SLC24A2: variants seen among roughly 807,000 people sequenced by gnomAD.
The protein encoded by SLC24A2 is solute carrier family 24 member 2, also known as sodium/potassium/calcium exchanger 2.
SLC24A2 carries 36 observed loss-of-function variants against 62.0 expected under a neutral mutation model. The observed-to-expected ratio is 0.58, with a 90% CI of 0.44 to 0.77. The LOEUF (loss-of-function observed/expected upper bound fraction) is 0.77. Among genes scored for constraint, SLC24A2 ranks in the 30% least tolerant of loss-of-function variants. SLC24A2 has a pLI of 0.00. For synonymous variants in SLC24A2, 358 were observed against 294.0 expected, an observed-to-expected ratio of 1.22 and a Z score of -2.23; for missense variants, 846 against 817.9, an observed-to-expected ratio of 1.03 and a Z score of -0.42.
the SLC24A2 span, among the ~76,000 whole-genome samples, chr9:20,115,471 G>T: frequency 6.6e-6 from 1 of 152,114 alleles, no homozygotes; most frequent in Non-Finnish European, 1.5e-5. Flanking sequence ...CAGTTTCCAA[G>T]TCACCTCCAA....
chr9:19,548,775 G>C (rs1276960992), intron 8 of SLC24A2, among the ~76,000 whole-genome samples: 1 of 152,218 alleles, frequency 6.6e-6, no homozygotes, highest in Non-Finnish European at 1.5e-5. Flanking sequence ...AGCATGGCCA[G>C]GGTAGCCACT....
the SLC24A2 span, among the ~76,000 whole-genome samples, chr9:19,965,313 G>A: frequency 6.3e-4 from 96 of 152,246 alleles, no homozygotes; most frequent in African/African-American, 2.1e-3. Context: ...TGGATGGCCC[G>A]GCTGTGTCCC....
chr9:20,169,340 C>T, the SLC24A2 span, among the ~76,000 whole-genome samples: 4 of 151,922 alleles, frequency 2.6e-5, no homozygotes, highest in African/African-American at 7.2e-5. Flanking sequence ...TGTGGAGCCT[C>T]GTGTCATGAA....
chr9:20,276,592 T>G, the SLC24A2 span, among the ~76,000 whole-genome samples: 1 of 152,196 alleles, frequency 6.6e-6, no homozygotes, highest in Non-Finnish European at 1.5e-5. Context: ...TTCTCACTGC[T>G]CCACTGGGGA....
chr9:20,230,347 C>T, the SLC24A2 span, among the ~76,000 whole-genome samples: 1 of 152,178 alleles, frequency 6.6e-6, no homozygotes, highest in Non-Finnish European at 1.5e-5. Flanking sequence ...TACAGTCCCA[C>T]CAACAGTGTA....
chr9:19,853,689 T>C, the SLC24A2 span, among the ~76,000 whole-genome samples: 13 of 152,328 alleles, frequency 8.5e-5, 1 homozygote, highest in East Asian at 2.5e-3. Context: ...GCTTTTTTTA[T>C]GTGCTGGTGG....
the SLC24A2 span, among the ~76,000 whole-genome samples, chr9:19,994,042 A>C: frequency 6.6e-6 from 1 of 152,232 alleles, no homozygotes; most frequent in African/African-American, 2.4e-5. Flanking sequence ...AGTAGATTGC[A>C]GAAGTTCACA....
chr9:20,141,547 C>G, the SLC24A2 span, among the ~76,000 whole-genome samples: 1 of 151,892 alleles, frequency 6.6e-6, no homozygotes, highest in African/African-American at 2.4e-5. Context: ...CTAACATCTC[C>G]TTAATTAACT....
At chr9:19,978,039 A>G in the SLC24A2 span, among the ~76,000 whole-genome samples, 1 of 152,118 alleles carries the variant, frequency 6.6e-6, no homozygotes, top group Non-Finnish European at 1.5e-5. Context: ...GGTAACTTAC[A>G]TTTCCTGCCG....
chr9:19,953,669 A>G, the SLC24A2 span, among the ~76,000 whole-genome samples: 1 of 152,108 alleles, frequency 6.6e-6, no homozygotes, highest in Non-Finnish European at 1.5e-5. Flanking sequence ...ACAAGTAGCC[A>G]TTAAATAACA....
the SLC24A2 span, among the ~76,000 whole-genome samples, chr9:20,014,381 T>C: frequency 6.6e-6 from 1 of 151,852 alleles, no homozygotes; most frequent in African/African-American, 2.4e-5. Context: ...TCTGGGTATA[T>C]ACCCAGAGGA....
the SLC24A2 span, among the ~76,000 whole-genome samples, chr9:20,302,535 G>A: frequency 6.6e-6 from 1 of 152,194 alleles, no homozygotes; most frequent in Non-Finnish European, 1.5e-5. Flanking sequence ...CTTATGTGGT[G>A]AGGTGTCTGT....
At position 19,636,363 on chromosome 9, in the gene SLC24A2, CTT is replaced by C. The variant is rs1564009929; in HGVS notation, c.931-14066_931-14065del. ...TCTTTCTTTCTTTCTTTCTTTCTTT[CTT>C]TCTTTCTTTCTTTCTTTCTTTCTCC... On this transcript the variant is annotated intron_variant, in intron 2 of 10. Coordinates refer to ENST00000341998, the MANE Select transcript of SLC24A2 (RefSeq NM_020344.4). 5.1e-4 allele frequency among the ~76,000 whole-genome samples: 18 copies of C among 35,624 alleles called. 1 individual carries two copies. Among genetic ancestry groups the C allele is most frequent in the African/African-American group, 7.7e-4 (6 of 7,808 alleles). The allele number at this position is 35,624 out of a possible 152,430, so 23.4% of individuals were successfully genotyped here.
the SLC24A2 span, among the ~76,000 whole-genome samples, chr9:20,275,214 C>A: frequency 6.6e-6 from 1 of 152,076 alleles, no homozygotes; most frequent in East Asian, 1.9e-4. Context: ...TTACGGCAAA[C>A]AAGTGAGGAG....
rs115599272 is a variant in SLC24A2, at chr9:19,534,373, T to G, written c.1480-6235A>C. ...TTGTCTTTGTATCTCTTTTTTTAAATACACTTTAAGTTCTTGGGTACATGC... is the reference window on the plus strand; with the variant it reads ...TTGTCTTTGTATCTCTTTTTTTAAAGACACTTTAAGTTCTTGGGTACATGC... On this transcript the variant is annotated intron_variant, in intron 8 of 10. Coordinates refer to ENST00000341998, the MANE Select transcript of SLC24A2 (RefSeq NM_020344.4). Among the ~76,000 whole-genome samples, 1,173 of 152,314 alleles carry G rather than the reference T, an allele frequency of 7.7e-3. 17 individuals carry two copies. Among genetic ancestry groups the G allele is most frequent in the African/African-American group, 0.027 (1,120 of 41,562 alleles).
At chr9:20,282,162 T>C in the SLC24A2 span, among the ~76,000 whole-genome samples, 1 of 152,072 alleles carries the variant, frequency 6.6e-6, no homozygotes, top group Non-Finnish European at 1.5e-5. Flanking sequence ...GGAAAACAAA[T>C]AAGACCAGAG....
chr9:19,552,536 GAGTC>G (rs1006132756), intron 7 of SLC24A2, among the ~76,000 whole-genome samples: 1 of 151,352 alleles, frequency 6.6e-6, no homozygotes, highest in South Asian at 2.1e-4. Context: ...TTCTAGCAGA[GAGTC>G]AGTCAGCTTC....
intron 2 of SLC24A2, among the ~76,000 whole-genome samples, chr9:19,767,669 C>G (rs548642171): frequency 6.6e-6 from 1 of 152,280 alleles, no homozygotes; most frequent in East Asian, 1.9e-4. Context: ...GAACCGGGTA[C>G]CTCAGTTGGA....
At chr9:19,725,570 A>AT (rs1000563174) in intron 2 of SLC24A2, among the ~76,000 whole-genome samples, 30 of 152,192 alleles carry the variant, frequency 2.0e-4, no homozygotes, top group East Asian at 1.7e-3. Context: ...ACAGCACAGC[A>AT]TTTTTTTACA....
Sources: gnomAD v4.1 joint callset for allele counts (sites outside exome capture counted in the v4.1 genomes callset) on GRCh38, gnomAD v4.1.1 for gene constraint, MANE v1.5 for transcripts, NCBI Gene and HGNC (gene_info 2026-07-23, HGNC 2026-07-21) for gene names.